Variants in CUBN observed in about 807,000 individuals in gnomAD.
CUBN encodes cubilin.
CUBN carries 282 observed loss-of-function variants against 405.3 expected under a neutral mutation model. That is an observed-to-expected ratio of 0.70 (90% CI 0.63 to 0.77). The LOEUF (loss-of-function observed/expected upper bound fraction) is 0.77, where lower values mean the gene tolerates loss of function less well. Among genes scored for constraint, CUBN ranks in the 30% least tolerant of loss-of-function variants. The pLI, the probability that CUBN is intolerant of heterozygous loss-of-function variation, is 0.00. For missense variants in CUBN, 4,514 were observed against 4,475.2 expected (o/e 1.01, Z -0.25); for synonymous variants, 1,684 against 1,617.0 (o/e 1.04, Z -0.99).
rs1310832722 is a variant in CUBN, at chr10:16,899,026, A to G, written c.8568T>C (p.Gly2856=). The G allele has an allele frequency of 1.2e-6, 2 of 1,613,418 alleles. No homozygotes were observed. Among genetic ancestry groups the G allele is most frequent in the African/African-American group, 2.7e-5 (2 of 75,020 alleles). Residue 2856 remains glycine (G), a synonymous_variant, in exon 54 of 67, where the codon GGT becomes GGC. Transcript: ENST00000377833. The stretch of plus-strand genomic sequence containing the variant: ...CGAAGCTATTCTGACATTGTCCATC[A>G]CCGCTGGGGATTAGGAAGTTGTTGT... ...SFDNNFLIPS[G]DGQCQNSFVK...
chr10:17,018,190 G>A (rs1834390646), intron 28 of CUBN, among the ~76,000 whole-genome samples: 1 of 152,136 alleles, frequency 6.6e-6, no homozygotes, highest in African/African-American at 2.4e-5. Context: ...CTGGCCAAGA[G>A]GTGCCCGGTA....
chr10:16,963,886 A>G (rs970831432), intron 31 of CUBN, among the ~76,000 whole-genome samples: 2 of 152,276 alleles, frequency 1.3e-5, no homozygotes, highest in South Asian at 2.1e-4. Flanking sequence ...ATATATGCAT[A>G]TAATGAAAAA....
intron 27 of CUBN, among the ~76,000 whole-genome samples, chr10:17,027,033 G>C (rs748770208): frequency 2.6e-5 from 4 of 152,224 alleles, no homozygotes; most frequent in Non-Finnish European, 5.9e-5. Flanking sequence ...CTGAGTTACA[G>C]GTCTGTCTCA....
intron 58 of CUBN, among the ~76,000 whole-genome samples, chr10:16,872,809 A>G (rs960644094): frequency 1.3e-5 from 2 of 152,250 alleles, no homozygotes; most frequent in African/African-American, 2.4e-5. Flanking sequence ...CTGTGCAGGC[A>G]TACTTCACAG....
chr10:16,874,274 A>T (rs1209957173), intron 58 of CUBN, 100 bp downstream of exon 58: 4 of 1,250,564 alleles, frequency 3.2e-6, no homozygotes, highest in Non-Finnish European at 4.7e-6. Flanking sequence ...TTCCCTCCAG[A>T]CTGCCGATGA....
intron 14 of CUBN, 25 bp downstream of exon 14, chr10:17,099,980 C>T: frequency 1.9e-6 from 3 of 1,571,496 alleles, no homozygotes; most frequent in Non-Finnish European, 2.6e-6. Context: ...ATTTTGCTTG[C>T]TTTTTTCTCC....
At chr10:16,976,348 A>G (rs947233646) in intron 31 of CUBN, among the ~76,000 whole-genome samples, 1 of 151,980 alleles carries the variant, frequency 6.6e-6, no homozygotes, top group Admixed American at 6.6e-5. Context: ...TTTAATCTGA[A>G]TATATCAGTC....
At chr10:17,088,054 C>A in intron 15 of CUBN, 110 bp downstream of exon 15, 1 of 784,720 alleles carries the variant, frequency 1.3e-6, no homozygotes, top group Admixed American at 2.0e-5. Flanking sequence ...TATTGAGAAA[C>A]ACACCTAACT....
intron 58 of CUBN, among the ~76,000 whole-genome samples, chr10:16,870,560 C>T (rs991098524): frequency 1.3e-5 from 2 of 152,192 alleles, no homozygotes; most frequent in African/African-American, 4.8e-5. Context: ...AGAAGGGATA[C>T]ATATTACTTT....
intron 44 of CUBN, among the ~76,000 whole-genome samples, chr10:16,919,344 A>G (rs1424971249): frequency 1.3e-5 from 2 of 152,254 alleles, no homozygotes; most frequent in Non-Finnish European, 1.5e-5. Flanking sequence ...ATAGCAACAG[A>G]AGATCTTATA....
chr10:16,928,825 C>T (rs909897741), intron 40 of CUBN, among the ~76,000 whole-genome samples: 8 of 152,060 alleles, frequency 5.3e-5, no homozygotes, highest in African/African-American at 9.6e-5. Flanking sequence ...TTGATAAAGA[C>T]GTCTTTGACA....
At chr10:17,106,110 C>A (rs1164749191) in intron 10 of CUBN, among the ~76,000 whole-genome samples, 3 of 151,590 alleles carry the variant, frequency 2.0e-5, no homozygotes, top group Non-Finnish European at 4.4e-5. Flanking sequence ...TGTGGAGAAA[C>A]CCTGTCTCTA....
At chr10:17,112,824 C>T (rs1462188265) in intron 8 of CUBN, among the ~76,000 whole-genome samples, 9 of 152,036 alleles carry the variant, frequency 5.9e-5, no homozygotes, top group African/African-American at 9.7e-5. Flanking sequence ...TAAAGCTATG[C>T]GATCTTGGGC....
rs774512443 is a variant in CUBN, at chr10:16,828,892, G to C, written c.10677C>G (p.Asp3559Glu). 10 of 1,614,030 alleles carry C rather than the reference G, an allele frequency of 6.2e-6. No individual in the cohort carries two copies. Among genetic ancestry groups the C allele is most frequent in the Non-Finnish European group, 8.5e-6 (10 of 1,180,018 alleles). Reference protein sequence around the residue: ...VTINFYFISIDDPGDCVQNYL... With the variant: ...VTINFYFISIEDPGDCVQNYL... Reference sequence around the variant, plus strand: ...AGTTCTGGACACAGTCTCCTGGATCGTCAATGCTGATGAAGTAGAAGTTGA... The same window carrying C: ...AGTTCTGGACACAGTCTCCTGGATCCTCAATGCTGATGAAGTAGAAGTTGA... The change falls in exon 66 of 67, where the codon GAC becomes GAG. Residue 3559 changes from aspartate (D) to glutamate (E), a missense_variant. Asp to Glu is a conservative substitution (Grantham distance 45). Around this residue, in one of 5 missense-constraint regions of CUBN, gnomAD observed 1,186 missense variants for 1,186.9 expected, o/e 1.00. Transcript: ENST00000377833.
intron 49 of CUBN, among the ~76,000 whole-genome samples, chr10:16,907,068 C>T (rs1841573940): frequency 6.6e-6 from 1 of 152,126 alleles, no homozygotes; most frequent in African/African-American, 2.4e-5. Flanking sequence ...ATCAAACCTC[C>T]CATTTATTTT....
At chr10:17,124,378 G>C (rs147202226) in intron 4 of CUBN, among the ~76,000 whole-genome samples, 1 of 151,830 alleles carries the variant, frequency 6.6e-6, no homozygotes, top group Non-Finnish European at 1.5e-5. Context: ...CTGCCTTTGG[G>C]TGCAGAGAAA....
intron 28 of CUBN, among the ~76,000 whole-genome samples, chr10:17,010,303 C>T (rs1298966942): frequency 6.6e-6 from 1 of 152,190 alleles, no homozygotes; most frequent in Non-Finnish European, 1.5e-5. Flanking sequence ...ATGAATCAAT[C>T]CAATCCCTGC....
At chr10:16,997,895 C>G (rs1833779140) in intron 28 of CUBN, among the ~76,000 whole-genome samples, 1 of 152,116 alleles carries the variant, frequency 6.6e-6, no homozygotes, top group South Asian at 2.1e-4. Context: ...AAGGGTGGAG[C>G]TCCTCAAATT....
chr10:17,044,856 A>C (rs1835089263), intron 25 of CUBN, 151 bp downstream of exon 25: 1 of 806,292 alleles, frequency 1.2e-6, no homozygotes, highest in Non-Finnish European at 2.1e-6. Flanking sequence ...ACTTTCACCA[A>C]ATTTCTTTTA....
Sources: allele counts gnomAD v4.1 joint callset (sites outside exome capture counted in the v4.1 genomes callset), GRCh38; gene constraint gnomAD v4.1.1; regional missense constraint gnomAD v4.1.1; transcripts MANE v1.5; gene names NCBI Gene and HGNC (gene_info 2026-07-23, HGNC 2026-07-21).